CSMD3: variants seen among roughly 807,000 people sequenced by gnomAD.
CSMD3 encodes the protein CUB and Sushi multiple domains 3.
CSMD3 carries 177 observed loss-of-function variants against 435.2 expected under a neutral mutation model. That is an observed-to-expected ratio of 0.41 (90% CI 0.36 to 0.46). The LOEUF is 0.46. CSMD3 is among the 20% of genes least tolerant of loss of function. CSMD3 has a pLI of 0.34. For synonymous variants in CSMD3, 1,656 were observed against 1,520.5 expected, an observed-to-expected ratio of 1.09 and a Z score of -2.07; for missense variants, 4,265 against 4,504.6, an observed-to-expected ratio of 0.95 and a Z score of 1.52.
At chr8:113,155,570 G>A (rs1365939693) in intron 4 of CSMD3, among the ~76,000 whole-genome samples, 1 of 151,876 alleles carries the variant, frequency 6.6e-6, no homozygotes, top group Non-Finnish European at 1.5e-5. Context: ...AAGTATTCAA[G>A]GTAAAGATCA....
chr8:112,868,152 T>C (rs969312819), intron 10 of CSMD3, among the ~76,000 whole-genome samples: 2 of 152,130 alleles, frequency 1.3e-5, no homozygotes, highest in Non-Finnish European at 2.9e-5. Context: ...GGATCATCAG[T>C]AGCACTGTCT....
At chr8:112,626,251 CT>C (rs1212411184) in intron 22 of CSMD3, among the ~76,000 whole-genome samples, 1 of 152,114 alleles carries the variant, frequency 6.6e-6, no homozygotes, top group Admixed American at 6.6e-5. Flanking sequence ...AAGCCCACCC[CT>C]GTTGATGCCA....
intron 32 of CSMD3, 147 bp downstream of exon 32, chr8:112,472,444 T>C (rs548057158): frequency 1.9e-5 from 12 of 643,288 alleles, no homozygotes; most frequent in Non-Finnish European, 3.1e-5. Context: ...AAAATTGTAT[T>C]ATTACAAAAT....
intron 31 of CSMD3, among the ~76,000 whole-genome samples, chr8:112,489,951 T>C (rs1379674334): frequency 1.3e-5 from 2 of 152,114 alleles, no homozygotes; most frequent in Non-Finnish European, 2.9e-5. Context: ...TTTTCAGGAG[T>C]GAATGAATGT....
At chr8:113,301,413 G>A (rs1421473571) in intron 2 of CSMD3, among the ~76,000 whole-genome samples, 5 of 151,952 alleles carry the variant, frequency 3.3e-5, no homozygotes, top group Non-Finnish European at 7.4e-5. Context: ...GCAATGAACT[G>A]TTTTATATAT....
At chr8:113,318,547 C>T (rs2093926886) in intron 1 of CSMD3, among the ~76,000 whole-genome samples, 1 of 152,046 alleles carries the variant, frequency 6.6e-6, no homozygotes, top group African/African-American at 2.4e-5. Flanking sequence ...TACATACCTG[C>T]TATATGACCT....
chr8:113,306,889 A>G (rs1433108595), intron 2 of CSMD3, among the ~76,000 whole-genome samples: 1 of 152,138 alleles, frequency 6.6e-6, no homozygotes, highest in Non-Finnish European at 1.5e-5. Flanking sequence ...AGGCTTTTGA[A>G]TTCTATGGTT....
At chr8:113,272,367 C>T (rs2093535188) in intron 3 of CSMD3, among the ~76,000 whole-genome samples, 1 of 152,098 alleles carries the variant, frequency 6.6e-6, no homozygotes, top group African/African-American at 2.4e-5. Flanking sequence ...GTGGGAGGGA[C>T]CCAGTGGGGG....
chr8:112,626,865 C>T (rs894518217), intron 22 of CSMD3, among the ~76,000 whole-genome samples: 13 of 152,046 alleles, frequency 8.6e-5, no homozygotes, highest in African/African-American at 2.2e-4. Context: ...TTAATTCTTA[C>T]GACTTATAGC....
chr8:112,882,303 T>C (rs1305340371), intron 10 of CSMD3, among the ~76,000 whole-genome samples: 3 of 151,904 alleles, frequency 2.0e-5, no homozygotes, highest in African/African-American at 7.2e-5. Flanking sequence ...ACCCTGACAA[T>C]GTAAATTAAC....
chr8:113,090,714 TA>T (rs1431224225), intron 5 of CSMD3, among the ~76,000 whole-genome samples: 1 of 152,142 alleles, frequency 6.6e-6, no homozygotes, highest in Non-Finnish European at 1.5e-5. Context: ...TTGTTATGCT[TA>T]CATATAAGTT....
At chr8:112,939,246 G>A (rs2083376512) in intron 9 of CSMD3, among the ~76,000 whole-genome samples, 2 of 152,076 alleles carry the variant, frequency 1.3e-5, no homozygotes, top group African/African-American at 2.4e-5. Flanking sequence ...TAATGAATGA[G>A]ATAGAAGTGG....
At chr8:112,893,865 A>AACAGTAT (rs1248858480) in intron 10 of CSMD3, among the ~76,000 whole-genome samples, 1 of 151,518 alleles carries the variant, frequency 6.6e-6, no homozygotes. Context: ...ATACAGAAAG[A>AACAGTAT]ACAGTATACT....
At chr8:112,307,225 G>A (rs1427216351) in intron 50 of CSMD3, among the ~76,000 whole-genome samples, 1 of 151,958 alleles carries the variant, frequency 6.6e-6, no homozygotes, top group African/African-American at 2.4e-5. Flanking sequence ...CTAGGCTCAA[G>A]TGATCCTCAC....
chr8:112,767,052 T>A (rs1434983334), intron 13 of CSMD3, among the ~76,000 whole-genome samples: 2 of 151,852 alleles, frequency 1.3e-5, no homozygotes, highest in African/African-American at 4.8e-5. Context: ...GGTAGAGTAA[T>A]CACTGATAAT....
chr8:113,098,999 T>C (rs747979459), intron 4 of CSMD3, 36 bp from the exon 5 acceptor site: 32 of 1,330,634 alleles, frequency 2.4e-5, no homozygotes, highest in African/African-American at 4.3e-5. Flanking sequence ...TTGTAAGTTA[T>C]TGAGATAAAT....
At chr8:112,979,457 A>T (rs1159269063) in intron 6 of CSMD3, among the ~76,000 whole-genome samples, 1 of 151,644 alleles carries the variant, frequency 6.6e-6, no homozygotes, top group African/African-American at 2.4e-5. Context: ...ACAGATTTTT[A>T]AATTGTCAAG....
intron 30 of CSMD3, among the ~76,000 whole-genome samples, chr8:112,493,128 A>T (rs929766646): frequency 2.0e-5 from 3 of 152,156 alleles, no homozygotes; most frequent in Admixed American, 6.5e-5. Context: ...AGTACAAAGG[A>T]GCCCTTGTGC....
chr8:113,329,336 G>C (rs558630458), intron 1 of CSMD3, among the ~76,000 whole-genome samples: 12 of 151,938 alleles, frequency 7.9e-5, no homozygotes, highest in Non-Finnish European at 1.8e-4. Flanking sequence ...CAGTTGAAAA[G>C]TTAAACAATT....
Sources: allele counts gnomAD v4.1 joint callset (sites outside exome capture counted in the v4.1 genomes callset), GRCh38; gene constraint gnomAD v4.1.1; transcripts MANE v1.5; gene names NCBI Gene and HGNC (gene_info 2026-07-23, HGNC 2026-07-21).